The following SLCO1A2 variants were observed in gnomAD, a reference collection of about 807,000 sequenced individuals.
The protein encoded by SLCO1A2 is solute carrier organic anion transporter family member 1A2.
SLCO1A2 carries 67 observed loss-of-function variants against 69.0 expected under a neutral mutation model. The ratio of observed to expected loss-of-function variants is 0.97; its 90% confidence interval spans 0.80 to 1.19. SLCO1A2 has a LOEUF of 1.19. SLCO1A2 is among the 50% of genes most tolerant of loss of function. The probability of loss-of-function intolerance (pLI) is 0.00; values close to 1 mark genes in which losing one functional copy is unlikely to be tolerated. For missense variants in SLCO1A2, 787 were observed against 793.7 expected, an observed-to-expected ratio of 0.99 and a Z score of 0.10; for synonymous variants, 260 against 265.9, an observed-to-expected ratio of 0.98 and a Z score of 0.22.
intron 1 of SLCO1A2, among the ~76,000 whole-genome samples, chr12:21,382,896 C>T (rs868486276): frequency 2.0e-5 from 3 of 151,942 alleles, no homozygotes; most frequent in South Asian, 4.1e-4. Flanking sequence ...GATTGAAACT[C>T]AGGTATATTG....
chr12:21,318,726 T>C lies in SLCO1A2; in HGVS notation c.202+56A>G. 1.1e-5 allele frequency: 16 copies of C among 1,466,112 alleles called. No individual in the cohort carries two copies. In the South Asian group the frequency reaches 2.1e-4, roughly 20 times the overall value. The allele number at this position is 1,466,112 out of a possible 1,614,324, so 90.8% of individuals were successfully genotyped here. ...CAAATAAGGAGAATAAAATTCAGACTAGCTCCACAGATAAGACAAAATACA... is the reference window on the plus strand; with the variant it reads ...CAAATAAGGAGAATAAAATTCAGACCAGCTCCACAGATAAGACAAAATACA... On this transcript the variant is annotated intron_variant, in intron 3 of 14. Transcript: ENST00000683939.
At chr12:21,410,683 G>C (rs1941894098) in intron 1 of SLCO1A2, among the ~76,000 whole-genome samples, 1 of 152,148 alleles carries the variant, frequency 6.6e-6, no homozygotes, top group African/African-American at 2.4e-5. Context: ...AATCCAAACT[G>C]TATTCTAGTA....
chr12:21,389,253 T>C (rs1407661784), intron 1 of SLCO1A2, among the ~76,000 whole-genome samples: 1 of 152,224 alleles, frequency 6.6e-6, no homozygotes, highest in Non-Finnish European at 1.5e-5. Context: ...TACATTGTAC[T>C]ATATGTTTGT....
Position 21,277,146 on chromosome 12 carries a change from T to G in SLCO1A2, c.1611-1722A>C, listed in dbSNP as rs141223713. The stretch of plus-strand genomic sequence containing the variant: ...TCCAAAAGAGATTCCTTCCTTCTAC[T>G]TGAGGAGAGGGGAGAAATGAGTAAA... On this transcript the variant is annotated intron_variant, in intron 12 of 14. Coordinates refer to ENST00000683939, the MANE Select transcript of SLCO1A2 (RefSeq NM_001386879.1). Among the ~76,000 whole-genome samples, 641 of 152,138 alleles carry G rather than the reference T, an allele frequency of 4.2e-3. 2 individuals carry two copies. The highest frequency in any genetic ancestry group is 7.0e-3 in the Non-Finnish European group (475 of 68,010).
Position 21,290,366 on chromosome 12 carries a change from G to A in SLCO1A2, c.1610+1798C>T, listed in dbSNP as rs75188347. 4.2e-3 allele frequency among the ~76,000 whole-genome samples: 641 copies of A among 152,224 alleles called. 9 individuals carry two copies. The highest frequency in any genetic ancestry group is 0.015 in the African/African-American group (616 of 41,554). On this transcript the variant is annotated intron_variant, in intron 12 of 14. Coordinates refer to ENST00000683939, the MANE Select transcript of SLCO1A2 (RefSeq NM_001386879.1). ...TTGAGAAAGAAAGAATAAAGGAAAA[G>A]TGAAGATGGCAGGTGGGTGAGGCAA... is the stretch of plus-strand genomic sequence containing the variant.
chr12:21,360,203 T>C (rs559151133), intron 2 of SLCO1A2, among the ~76,000 whole-genome samples: 2 of 152,262 alleles, frequency 1.3e-5, no homozygotes, highest in African/African-American at 4.8e-5. Flanking sequence ...GACAACATTT[T>C]AGAAGGATGG....
At chr12:21,381,034 C>T (rs1237101769) in intron 1 of SLCO1A2, among the ~76,000 whole-genome samples, 2 of 152,034 alleles carry the variant, frequency 1.3e-5, no homozygotes, top group African/African-American at 2.4e-5. Flanking sequence ...AACTGATGAT[C>T]GGCAGCTTCC....
At chr12:21,312,682 G>A (rs1438843935) in intron 4 of SLCO1A2, among the ~76,000 whole-genome samples, 7 of 152,032 alleles carry the variant, frequency 4.6e-5, no homozygotes, top group Non-Finnish European at 8.8e-5. Context: ...CAATATTTTT[G>A]TATCTAGGGG....
intron 1 of SLCO1A2, among the ~76,000 whole-genome samples, chr12:21,382,222 A>G (rs1412886679): frequency 2.0e-5 from 3 of 152,210 alleles, no homozygotes; most frequent in Non-Finnish European, 2.9e-5. Context: ...CGAAGTAACA[A>G]CAAGAGTGGA....
intron 1 of SLCO1A2, among the ~76,000 whole-genome samples, chr12:21,375,367 T>C (rs1225448976): frequency 6.6e-6 from 1 of 152,222 alleles, no homozygotes; most frequent in Non-Finnish European, 1.5e-5. Context: ...TCATGTACTA[T>C]TCTACATATC....
intron 1 of SLCO1A2, among the ~76,000 whole-genome samples, chr12:21,412,315 A>G (rs1014892553): frequency 2.0e-5 from 3 of 151,950 alleles, no homozygotes; most frequent in African/African-American, 7.2e-5. Flanking sequence ...TGGGAGGCAG[A>G]GGTTGCAGTG....
At chr12:21,407,326 A>G (rs927043546) in intron 1 of SLCO1A2, among the ~76,000 whole-genome samples, 4 of 152,184 alleles carry the variant, frequency 2.6e-5, no homozygotes, top group Non-Finnish European at 4.4e-5. Context: ...GTGTAGTTGG[A>G]GAAAGAGAGT....
At chr12:21,385,219 A>G (rs1311762786) in intron 1 of SLCO1A2, among the ~76,000 whole-genome samples, 1 of 152,146 alleles carries the variant, frequency 6.6e-6, no homozygotes, top group Non-Finnish European at 1.5e-5. Context: ...TACAGCTATA[A>G]CTGTTATAAA....
chr12:21,348,310 C>G (rs1937662947), intron 2 of SLCO1A2, among the ~76,000 whole-genome samples: 1 of 152,148 alleles, frequency 6.6e-6, no homozygotes, highest in South Asian at 2.1e-4. Context: ...TATAGTCACC[C>G]TGTTGTACTA....
chr12:21,394,051 T>C lies in SLCO1A2; in HGVS notation c.-190+855A>G, dbSNP rs74332031. 7.2e-4 allele frequency among the ~76,000 whole-genome samples: 109 copies of C among 152,294 alleles called. 1 individual carries two copies. Among genetic ancestry groups the C allele is most frequent in the African/African-American group, 2.6e-3 (107 of 41,570 alleles). On this transcript the variant is annotated intron_variant, in intron 1 of 15. Coordinates refer to the SLCO1A2 transcript ENST00000307378. Reference sequence around the variant, plus strand: ...TAAGCAGAGCACAGCCATGGTTCAATATTGCACAGTGACCTTCATAGAGAC... The same window carrying C: ...TAAGCAGAGCACAGCCATGGTTCAACATTGCACAGTGACCTTCATAGAGAC...
At chr12:21,326,662 G>T (rs1458618523) in intron 2 of SLCO1A2, among the ~76,000 whole-genome samples, 2 of 152,136 alleles carry the variant, frequency 1.3e-5, no homozygotes, top group African/African-American at 4.8e-5. Flanking sequence ...GCAGCATTTT[G>T]CCCCTGCACT....
chr12:21,385,334 T>C (rs1040618907), intron 1 of SLCO1A2, among the ~76,000 whole-genome samples: 4 of 152,226 alleles, frequency 2.6e-5, no homozygotes, highest in African/African-American at 4.8e-5. Context: ...GCAGAAACTC[T>C]GTCCAGAATT....
chr12:21,401,869 A>G (rs907282302), intron 1 of SLCO1A2, among the ~76,000 whole-genome samples: 7 of 151,648 alleles, frequency 4.6e-5, no homozygotes, highest in African/African-American at 1.4e-4. Flanking sequence ...ATGAAAATGT[A>G]TTATATGATA....
intron 2 of SLCO1A2, among the ~76,000 whole-genome samples, chr12:21,348,892 G>A (rs899875198): frequency 3.6e-4 from 55 of 152,084 alleles, no homozygotes; most frequent in African/African-American, 1.3e-3. Context: ...ACACCAAAAT[G>A]AACAACTTAT....
Sources: gnomAD v4.1 joint callset for allele counts (sites outside exome capture counted in the v4.1 genomes callset) on GRCh38, gnomAD v4.1.1 for gene constraint, MANE v1.5 for transcripts, NCBI Gene and HGNC (gene_info 2026-07-23, HGNC 2026-07-21) for gene names.